The following GPR107 variants were observed in gnomAD, a reference collection of about 807,000 sequenced individuals.
The protein encoded by GPR107 is G protein-coupled receptor 107.
In GPR107, 31 loss-of-function variants were observed where a neutral mutation model predicts 75.5. That is an observed-to-expected ratio of 0.41 (90% CI 0.31 to 0.55). The LOEUF is 0.55. GPR107 is among the 20% of genes least tolerant of loss of function. The pLI is 0.26. For missense variants in GPR107, 572 were observed against 665.7 expected (o/e 0.86, Z 1.55); for synonymous variants, 267 against 251.3 (o/e 1.06, Z -0.59).
rs1228327137 is a variant in GPR107, at chr9:130,136,067, ATACT to A, written c.*949_*952del. 6.6e-6 allele frequency: 1 copy of A among 152,160 alleles called. No individual in the cohort carries two copies. The highest frequency in any genetic ancestry group is 1.5e-5 in the Non-Finnish European group (1 of 68,030). 9.4% of individuals were successfully genotyped at this position (152,160 alleles called of 1,614,324 possible). ...GGCAGAATAGGTAGTATTTAAGCAA[ATACT>A]TAAGTCCAAGCAAATCATCCCCATT... On this transcript the variant is annotated 3_prime_UTR_variant, in exon 18 of 18. Transcript: ENST00000347136.
chr9:130,063,567 T>G (rs957765972), intron 1 of GPR107, among the ~76,000 whole-genome samples: 2 of 152,152 alleles, frequency 1.3e-5, no homozygotes, highest in East Asian at 3.8e-4. Flanking sequence ...TTCTTCTTTA[T>G]TCAAGTTTCC....
chr9:130,132,150 G>T (rs1831842127), intron 17 of GPR107, among the ~76,000 whole-genome samples: 1 of 152,172 alleles, frequency 6.6e-6, no homozygotes, highest in Non-Finnish European at 1.5e-5. Context: ...CGCCCAAAGT[G>T]CTGGGAATGC....
chr9:130,126,056 C>CAAA lies in GPR107; in HGVS notation c.1356+1106_1356+1108dup, dbSNP rs569390895. On this transcript the variant is annotated intron_variant, in intron 15 of 17. Transcript: ENST00000347136. ...TGGGCGACAGAGCGAGACTCTGTCTCAAAAAAAAAAAAAAAATTGGAGTAT... is the reference window on the plus strand; with the variant it reads ...TGGGCGACAGAGCGAGACTCTGTCTCAAAAAAAAAAAAAAAAAAATTGGAGTAT... Among the ~76,000 whole-genome samples, 141 of 113,398 alleles carry CAAA rather than the reference C, an allele frequency of 1.2e-3. 1 individual carries two copies. The highest frequency in any genetic ancestry group is 2.6e-3 in the South Asian group (9 of 3,494). 74.4% of individuals were successfully genotyped at this position (113,398 alleles called of 152,430 possible). A position where few individuals can be genotyped will look rare whatever the true frequency, so the allele number is the denominator to read the frequency against.
At position 130,128,637 on chromosome 9, in the gene GPR107, C is replaced by A. The variant is rs1292235933; in HGVS notation, c.1441-3C>A. On this transcript the variant is annotated splice_polypyrimidine_tract_variant and splice_region_variant and intron_variant, in intron 16 of 17. Coordinates refer to ENST00000347136, the MANE Select transcript of GPR107 (RefSeq NM_020960.5). ...TATTTTGGGGTGGTTTTTAAACTTG[C>A]AGCTCCTGGATGAAACGGCCACACT... 1 of 1,610,228 alleles carries A rather than the reference C, an allele frequency of 6.2e-7. No homozygotes were observed. Among genetic ancestry groups the A allele is most frequent in the East Asian group, 2.2e-5 (1 of 44,858 alleles).
chr9:130,058,856 G>A (rs2132530631), intron 1 of GPR107, among the ~76,000 whole-genome samples: 1 of 152,146 alleles, frequency 6.6e-6, no homozygotes, highest in South Asian at 2.1e-4. Context: ...CCTTTTTACT[G>A]TTGAATGGTC....
At chr9:130,072,991 C>A (rs945685423) in intron 1 of GPR107, among the ~76,000 whole-genome samples, 3 of 152,136 alleles carry the variant, frequency 2.0e-5, no homozygotes, top group Non-Finnish European at 4.4e-5. Flanking sequence ...TCATGCAGCC[C>A]GCAGGAAATG....
chr9:130,091,069 A>G, intron 8 of GPR107, 86 bp downstream of exon 8: 1 of 679,258 alleles, frequency 1.5e-6, no homozygotes, highest in Non-Finnish European at 2.6e-6. Context: ...GATTTTAAGA[A>G]TACTTAAGAA....
chr9:130,070,573 G>A (rs937576383), intron 1 of GPR107, among the ~76,000 whole-genome samples: 2 of 152,008 alleles, frequency 1.3e-5, no homozygotes, highest in Non-Finnish European at 2.9e-5. Context: ...CAAAGTGCTG[G>A]GATTACAGGC....
At chr9:130,123,282 G>A (rs1252883650) in intron 14 of GPR107, among the ~76,000 whole-genome samples, 1 of 152,024 alleles carries the variant, frequency 6.6e-6, no homozygotes, top group East Asian at 1.9e-4. Context: ...TCGGCTCACT[G>A]CAACTGCCAT....
intron 10 of GPR107, among the ~76,000 whole-genome samples, 173 bp downstream of exon 10, chr9:130,099,705 C>T (rs974192637): frequency 1.3e-5 from 2 of 152,052 alleles, no homozygotes; most frequent in African/African-American, 2.4e-5. Flanking sequence ...TAAATGATTA[C>T]CACCTCCCCT....
chr9:130,139,941 G>A lies in GPR107; in HGVS notation c.*4820G>A, dbSNP rs1832059726. The A allele has an allele frequency of 1.3e-5, 2 of 152,158 alleles. No individual in the cohort carries two copies. The highest frequency in any genetic ancestry group is 2.9e-5 in the Non-Finnish European group (2 of 68,030). 9.4% of individuals were successfully genotyped at this position (152,158 alleles called of 1,614,324 possible). ...ACATATTTAATCCAGAAATAGTTTC[G>A]TTTGAGGGAGGGCTTGCAGGTCTGT... On this transcript the variant is annotated 3_prime_UTR_variant, in exon 18 of 18. Transcript: ENST00000347136.
intron 1 of GPR107, among the ~76,000 whole-genome samples, chr9:130,070,334 C>T (rs548219986): frequency 1.8e-4 from 27 of 152,180 alleles, no homozygotes; most frequent in African/African-American, 6.5e-4. Context: ...GACAGAGTCT[C>T]GCTCTTTCGC....
chr9:130,111,213 G>GCTA (rs550632622), intron 14 of GPR107, among the ~76,000 whole-genome samples: 87 of 152,058 alleles, frequency 5.7e-4, no homozygotes, highest in African/African-American at 1.9e-3. Flanking sequence ...GGCCTGTAAT[G>GCTA]CTAGCGCTTT....
In GPR107 at chr9:130,079,778, T is replaced by G. The variant is rs749905573; in HGVS notation, c.526+9T>G. 6.3e-7 allele frequency: 1 copy of G among 1,583,632 alleles called. No individual in the cohort carries two copies. Among genetic ancestry groups the G allele is most frequent in the South Asian group, 1.2e-5 (1 of 85,596 alleles). On this transcript the variant is annotated intron_variant, in intron 5 of 17. Transcript: ENST00000347136. The stretch of plus-strand genomic sequence containing the variant: ...GACCCAGAAGACACAAGGTAAACCG[T>G]AAGGTGGAAACTGGCTTTCAGTTTT...
intron 6 of GPR107, among the ~76,000 whole-genome samples, chr9:130,084,477 C>T (rs1162934063): frequency 6.8e-6 from 1 of 147,138 alleles, no homozygotes; most frequent in Non-Finnish European, 1.5e-5. Context: ...GAAACAATTT[C>T]AAAGGACAAT....
intron 10 of GPR107, among the ~76,000 whole-genome samples, chr9:130,099,868 C>CTTTTTTTTTTTTTTTTT: frequency 1.1e-5 from 1 of 90,028 alleles, no homozygotes; most frequent in Non-Finnish European, 2.1e-5. Context: ...GTTTCCACGA[C>CTTTTTTTTTTTTTTTTT]TTTTTTTTTT....
At position 130,077,396 on chromosome 9, in the gene GPR107, TC is replaced by T. The variant is rs1830375690; in HGVS notation, c.386+20del. 1 of 1,219,490 alleles carries T rather than the reference TC, an allele frequency of 8.2e-7. No individual in the cohort carries two copies. The highest frequency in any genetic ancestry group is 1.2e-6 in the Non-Finnish European group (1 of 819,390). 75.5% of individuals were successfully genotyped at this position (1,219,490 alleles called of 1,614,324 possible). ...AGAAGTGAGTAAGTAATTCTAAAGT[TC>T]CTTCAGTTCAGTCCTAGAGTAGAGT... On this transcript the variant is annotated intron_variant, in intron 4 of 17. Transcript: ENST00000347136.
At chr9:130,133,851 A>G (rs1453688666) in intron 17 of GPR107, among the ~76,000 whole-genome samples, 1 of 152,198 alleles carries the variant, frequency 6.6e-6, no homozygotes, top group African/African-American at 2.4e-5. Flanking sequence ...GCATGGTAGC[A>G]CCATAATGGC....
chr9:130,070,917 C>T (rs973846295), intron 1 of GPR107, among the ~76,000 whole-genome samples: 6 of 150,948 alleles, frequency 4.0e-5, no homozygotes, highest in African/African-American at 1.5e-4. Context: ...GGGGGTCTTT[C>T]TGTGTTGCCC....
Sources: gnomAD v4.1 joint callset for allele counts (sites outside exome capture counted in the v4.1 genomes callset) on GRCh38, gnomAD v4.1.1 for gene constraint, MANE v1.5 for transcripts, NCBI Gene and HGNC (gene_info 2026-07-23, HGNC 2026-07-21) for gene names.